ACYP2: variants seen among roughly 807,000 people sequenced by gnomAD.
ACYP2 encodes the protein acylphosphatase-2.
In ACYP2, 12 loss-of-function variants were observed where a neutral mutation model predicts 11.2. That is an observed-to-expected ratio of 1.08 (90% confidence interval 0.69 to 1.74). The LOEUF (loss-of-function observed/expected upper bound fraction) is 1.74. Among genes scored for constraint, ACYP2 ranks in the 40% most tolerant of loss-of-function variants. The probability of loss-of-function intolerance (pLI) is 0.00; values close to 1 mark genes in which losing one functional copy is unlikely to be tolerated. For missense variants in ACYP2, 134 were observed against 101.9 expected (o/e 1.31, Z -1.35); for synonymous variants, 43 against 32.2 (o/e 1.33, Z -1.13).
intron 2 of ACYP2, among the ~76,000 whole-genome samples, chr2:53,982,355 TC>T (rs1671807339): frequency 6.6e-6 from 1 of 152,198 alleles, no homozygotes; most frequent in Non-Finnish European, 1.5e-5. Context: ...ATATATCAAA[TC>T]CCTAGTTCTC....
intron 6 of ACYP2, among the ~76,000 whole-genome samples, chr2:54,229,228 C>T (rs1412113429): frequency 6.6e-6 from 1 of 152,178 alleles, no homozygotes; most frequent in Non-Finnish European, 1.5e-5. Flanking sequence ...GTAGCAGTGA[C>T]ATTAGATACC....
intron 2 of ACYP2, among the ~76,000 whole-genome samples, chr2:54,020,550 CTG>C (rs1300006326): frequency 6.6e-6 from 1 of 152,228 alleles, no homozygotes; most frequent in Non-Finnish European, 1.5e-5. Context: ...AAACTGCAGA[CTG>C]TGGGCCAAAT....
intron 4 of ACYP2, among the ~76,000 whole-genome samples, chr2:54,069,722 A>G (rs1254761476): frequency 6.6e-6 from 1 of 152,182 alleles, no homozygotes; most frequent in African/African-American, 2.4e-5. Context: ...ATGAATGGAA[A>G]GATTCACATG....
intron 6 of ACYP2, among the ~76,000 whole-genome samples, chr2:54,238,756 G>T (rs1027029271): frequency 6.6e-6 from 1 of 151,798 alleles, no homozygotes; most frequent in Non-Finnish European, 1.5e-5. Context: ...GTATATTCAA[G>T]ACTTTTTCAA....
At chr2:54,032,636 A>G (rs1009501582) in intron 2 of ACYP2, among the ~76,000 whole-genome samples, 6 of 152,176 alleles carry the variant, frequency 3.9e-5, no homozygotes, top group African/African-American at 1.4e-4. Context: ...TATGAACTTT[A>G]AAGTAGTTTT....
chr2:54,077,335 G>A (rs1347721020), intron 4 of ACYP2, among the ~76,000 whole-genome samples: 9 of 152,110 alleles, frequency 5.9e-5, no homozygotes, highest in Non-Finnish European at 1.3e-4. Context: ...TCTATCCATT[G>A]TTTGCTTTAT....
At chr2:54,225,044 G>T (rs546931069) in intron 6 of ACYP2, among the ~76,000 whole-genome samples, 3 of 152,312 alleles carry the variant, frequency 2.0e-5, no homozygotes, top group East Asian at 3.9e-4. Context: ...TACCATTCTG[G>T]GGGCACAGCA....
intron 6 of ACYP2, among the ~76,000 whole-genome samples, chr2:54,156,490 A>G (rs1337894986): frequency 6.6e-6 from 1 of 151,990 alleles, no homozygotes; most frequent in Non-Finnish European, 1.5e-5. Context: ...TTCAGCTCCC[A>G]CTTACAAGTG....
intron 4 of ACYP2, among the ~76,000 whole-genome samples, chr2:54,118,815 G>A (rs1277373532): frequency 6.6e-6 from 1 of 152,188 alleles, no homozygotes. Flanking sequence ...TCAAGGCATA[G>A]TATGTAGTAC....
chr2:54,027,778 T>G (rs1290332503), intron 2 of ACYP2, among the ~76,000 whole-genome samples: 1 of 152,022 alleles, frequency 6.6e-6, no homozygotes, highest in Admixed American at 6.6e-5. Flanking sequence ...CTTTTTCTGT[T>G]TCAGAACCCC....
chr2:54,292,993 C>A (rs1264566674), intron 6 of ACYP2, among the ~76,000 whole-genome samples: 1 of 152,198 alleles, frequency 6.6e-6, no homozygotes, highest in African/African-American at 2.4e-5. Context: ...TGCTACTGCA[C>A]CCTGACTATA....
At chr2:53,990,418 G>A (rs1672231821) in intron 2 of ACYP2, among the ~76,000 whole-genome samples, 1 of 152,040 alleles carries the variant, frequency 6.6e-6, no homozygotes, top group Non-Finnish European at 1.5e-5. Context: ...GGAGGCTGAG[G>A]CAGGTGGATC....
At chr2:54,114,068 T>C (rs1558537246) in intron 4 of ACYP2, among the ~76,000 whole-genome samples, 1 of 151,988 alleles carries the variant, frequency 6.6e-6, no homozygotes, top group Non-Finnish European at 1.5e-5. Context: ...AACCAAGTTT[T>C]GGATGATTTT....
Position 54,129,252 on chromosome 2 carries a change from G to A in ACYP2, c.278-6201G>A, listed in dbSNP as rs190124288. ...TAATCTTTCAGGATTGTGATTTTCA[G>A]GATTTTAATCATTAGGGATTTTAGA... is the stretch of plus-strand genomic sequence containing the variant. On this transcript the variant is annotated intron_variant, in intron 4 of 6. Coordinates refer to ENST00000607452, the MANE Select transcript of ACYP2 (RefSeq NM_001320586.2). Among the ~76,000 whole-genome samples the A allele has an allele frequency of 5.2e-4, 79 of 152,054 alleles. 1 individual carries two copies. The highest frequency in any genetic ancestry group is 1.8e-3 in the African/African-American group (75 of 41,432).
At chr2:54,152,730 T>C (rs997416551) in intron 6 of ACYP2, among the ~76,000 whole-genome samples, 1 of 152,242 alleles carries the variant, frequency 6.6e-6, no homozygotes, top group African/African-American at 2.4e-5. Context: ...TGACATTTCA[T>C]TTCTTCTTAT....
chr2:54,141,746 A>T (rs1681613413), intron 6 of ACYP2: 1 of 433,478 alleles, frequency 2.3e-6, no homozygotes, highest in African/African-American at 2.0e-5. Flanking sequence ...ACTTTAAGAT[A>T]CTTTTACCTA....
intron 6 of ACYP2, among the ~76,000 whole-genome samples, chr2:54,222,836 C>G (rs1685856610): frequency 6.6e-6 from 1 of 152,148 alleles, no homozygotes; most frequent in Non-Finnish European, 1.5e-5. Context: ...AAGCTCAACC[C>G]TTTCCAGTTT....
intron 6 of ACYP2, among the ~76,000 whole-genome samples, chr2:54,143,966 G>C (rs534912061): frequency 5.3e-5 from 8 of 151,910 alleles, no homozygotes; most frequent in Non-Finnish European, 1.0e-4. Context: ...CTACCCTGTG[G>C]TAACTGGTAT....
At chr2:54,254,757 C>G (rs1426024554) in intron 6 of ACYP2, 2 of 660,306 alleles carry the variant, frequency 3.0e-6, no homozygotes, top group African/African-American at 3.6e-5. Context: ...GCACAGCCAC[C>G]AAGGTCTCAA....
Sources: allele counts gnomAD v4.1 joint callset (sites outside exome capture counted in the v4.1 genomes callset), GRCh38; gene constraint gnomAD v4.1.1; transcripts MANE v1.5; gene names NCBI Gene and HGNC (gene_info 2026-07-23, HGNC 2026-07-21).